Variants in PTPRD observed in about 807,000 individuals in gnomAD.
The protein encoded by PTPRD is protein tyrosine phosphatase receptor type D, also known as receptor-type tyrosine-protein phosphatase delta.
A neutral mutation model predicts 214.5 loss-of-function variants in PTPRD; 34 were observed. The observed-to-expected ratio is 0.16, with a 90% CI of 0.12 to 0.21. The LOEUF (loss-of-function observed/expected upper bound fraction) is 0.21. PTPRD is among the 10% of genes least tolerant of loss of function. The probability of loss-of-function intolerance (pLI) is 1.00; values close to 1 mark genes in which losing one functional copy is unlikely to be tolerated. For synonymous variants in PTPRD, 1,128 were observed against 845.7 expected, an observed-to-expected ratio of 1.33 and a Z score of -5.79; for missense variants, 2,545 against 2,398.7, an observed-to-expected ratio of 1.06 and a Z score of -1.27.
intron 11 of PTPRD, among the ~76,000 whole-genome samples, chr9:8,741,749 C>G (rs1397437732): frequency 2.0e-5 from 3 of 151,672 alleles, no homozygotes; most frequent in Middle Eastern, 3.2e-3. Context: ...CATCACCATG[C>G]CAAGCTAATT....
intron 36 of PTPRD, among the ~76,000 whole-genome samples, chr9:8,393,158 T>G (rs919309139): frequency 1.3e-5 from 2 of 152,154 alleles, no homozygotes; most frequent in East Asian, 3.9e-4. Context: ...CTCTAAGTAG[T>G]GCATATTTAT....
At chr9:9,290,028 C>G (rs1950648359) in intron 9 of PTPRD, among the ~76,000 whole-genome samples, 1 of 151,632 alleles carries the variant, frequency 6.6e-6, no homozygotes, top group Admixed American at 6.6e-5. Flanking sequence ...TTTGAGGAGC[C>G]TTCATACTGT....
chr9:9,488,082 T>C (rs963693119), intron 8 of PTPRD, among the ~76,000 whole-genome samples: 1 of 152,168 alleles, frequency 6.6e-6, no homozygotes, highest in Non-Finnish European at 1.5e-5. Context: ...TTGTAACCTT[T>C]ATTTTGCAGC....
At chr9:10,047,572 A>C (rs2097429739) in intron 3 of PTPRD, among the ~76,000 whole-genome samples, 1 of 151,962 alleles carries the variant, frequency 6.6e-6, no homozygotes, top group Non-Finnish European at 1.5e-5. Flanking sequence ...CTGCCCACAT[A>C]CTTTTTTGTT....
chr9:9,123,193 C>G (rs2099819248), intron 10 of PTPRD, among the ~76,000 whole-genome samples: 1 of 152,116 alleles, frequency 6.6e-6, no homozygotes, highest in African/African-American at 2.4e-5. Context: ...GATTTAGGGT[C>G]AGTCATGCAG....
chr9:8,517,306 GAGA>G (rs768819327), intron 21 of PTPRD, among the ~76,000 whole-genome samples: 4 of 152,228 alleles, frequency 2.6e-5, no homozygotes, highest in Middle Eastern at 3.4e-3. Flanking sequence ...TGTTCTATCT[GAGA>G]TCTCGGTAAC....
intron 11 of PTPRD, among the ~76,000 whole-genome samples, chr9:8,944,730 G>A (rs1438813588): frequency 2.6e-5 from 4 of 151,968 alleles, no homozygotes; most frequent in Admixed American, 6.6e-5. Flanking sequence ...ATAGGATGAC[G>A]GTTACCAGAG....
chr9:9,029,408 CAT>C (rs1260907355), intron 10 of PTPRD, among the ~76,000 whole-genome samples: 2 of 151,792 alleles, frequency 1.3e-5, no homozygotes, highest in Non-Finnish European at 2.9e-5. Context: ...AGGCACCACA[CAT>C]GAGGTGACAA....
chr9:9,130,187 G>A (rs577528843), intron 10 of PTPRD, among the ~76,000 whole-genome samples: 2 of 152,252 alleles, frequency 1.3e-5, no homozygotes, highest in African/African-American at 2.4e-5. Flanking sequence ...TCAGAATAAT[G>A]AGTGGTTTGA....
At chr9:8,740,196 C>G (rs2091561191) in intron 11 of PTPRD, among the ~76,000 whole-genome samples, 1 of 152,040 alleles carries the variant, frequency 6.6e-6, no homozygotes, top group South Asian at 2.1e-4. Flanking sequence ...AAGGGAAGAT[C>G]AATAAGTGGT....
chr9:10,166,481 G>C (rs2099160064), intron 3 of PTPRD, among the ~76,000 whole-genome samples: 1 of 151,762 alleles, frequency 6.6e-6, no homozygotes. Flanking sequence ...CTAGTCATCA[G>C]GTGCAATTCA....
chr9:9,305,738 G>C (rs985771954), intron 9 of PTPRD, among the ~76,000 whole-genome samples: 1 of 152,102 alleles, frequency 6.6e-6, no homozygotes, highest in Admixed American at 6.6e-5. Flanking sequence ...GAGAGAGAAA[G>C]ATAGATGTAG....
At chr9:8,807,864 G>A (rs1264532519) in intron 11 of PTPRD, among the ~76,000 whole-genome samples, 1 of 152,080 alleles carries the variant, frequency 6.6e-6, no homozygotes, top group Non-Finnish European at 1.5e-5. Context: ...GGCAACAGTG[G>A]TATGTATGGC....
chr9:8,404,414 C>T (rs2092762776), intron 36 of PTPRD, 123 bp downstream of exon 36: 4 of 1,309,640 alleles, frequency 3.1e-6, no homozygotes, highest in South Asian at 1.7e-5. Flanking sequence ...CAGGCGTGAG[C>T]CACCATGCAC....
intron 7 of PTPRD, among the ~76,000 whole-genome samples, chr9:9,615,602 G>T (rs773249512): frequency 6.6e-6 from 1 of 152,086 alleles, no homozygotes; most frequent in African/African-American, 2.4e-5. Flanking sequence ...TTAACCTACT[G>T]TATGGTTTCT....
chr9:10,061,024 T>C (rs941853387), intron 3 of PTPRD, among the ~76,000 whole-genome samples: 2 of 151,298 alleles, frequency 1.3e-5, no homozygotes, highest in African/African-American at 4.9e-5. Context: ...CTCTCTTTCT[T>C]TTCTCTCTGA....
chr9:8,538,994 C>A (rs1235794410), intron 14 of PTPRD, among the ~76,000 whole-genome samples: 2 of 151,814 alleles, frequency 1.3e-5, no homozygotes, highest in African/African-American at 4.8e-5. Flanking sequence ...CACAACTTAT[C>A]CTGTTGTATA....
chr9:9,873,204 C>T (rs975629755), intron 5 of PTPRD, among the ~76,000 whole-genome samples: 2 of 152,098 alleles, frequency 1.3e-5, no homozygotes, highest in Non-Finnish European at 2.9e-5. Flanking sequence ...ACATTCAGCA[C>T]TGTCTACTTA....
In PTPRD at chr9:8,576,388, G is replaced by T. The variant is rs562726345; in HGVS notation, c.353-47609C>A. ...ACTGATATTTGTGGGGAGAAATAAT[G>T]GTTCTTTTATGGTCATGATTTGCAT... On this transcript the variant is annotated intron_variant, in intron 14 of 45. Coordinates refer to ENST00000381196, the MANE Select transcript of PTPRD (RefSeq NM_002839.4). Among the ~76,000 whole-genome samples the T allele has an allele frequency of 4.6e-5, 7 of 152,002 alleles. No homozygotes were observed. In the East Asian group the frequency reaches 5.8e-4, roughly 13 times the overall value.
Sources: allele counts gnomAD v4.1 joint callset (sites outside exome capture counted in the v4.1 genomes callset), GRCh38; gene constraint gnomAD v4.1.1; transcripts MANE v1.5; gene names NCBI Gene and HGNC (gene_info 2026-07-23, HGNC 2026-07-21).